The following MEGF6 variants were observed in gnomAD, a reference collection of about 807,000 sequenced individuals.
The protein encoded by MEGF6 is multiple EGF like domains 6.
MEGF6 carries 184 observed loss-of-function variants against 207.1 expected under a neutral mutation model. The observed-to-expected ratio is 0.89, with a 90% CI of 0.79 to 1.00. The LOEUF (loss-of-function observed/expected upper bound fraction) is 1.00. Ranked by LOEUF, MEGF6 falls within the 50% of genes least tolerant of loss-of-function variation. The pLI is 0.00. For synonymous variants in MEGF6, 1,038 were observed against 910.0 expected (o/e 1.14, Z -2.53); for missense variants, 2,282 against 2,202.9 (o/e 1.04, Z -0.72).
chr1:3,543,521 TCGGAGCCCTA>T (rs1327013871), intron 4 of MEGF6, among the ~76,000 whole-genome samples: 2 of 152,124 alleles, frequency 1.3e-5, no homozygotes, highest in African/African-American at 4.8e-5. Flanking sequence ...ACACGGTGAC[TCGGAGCCCTA>T]GCCATCCCAA....
chr1:3,501,453 C>T (rs1569962642), intron 18 of MEGF6, 145 bp from the exon 19 acceptor site: 1 of 1,245,034 alleles, frequency 8.0e-7, no homozygotes, highest in South Asian at 1.5e-5. Context: ...GGGGAGAGGA[C>T]CCGGGCACCT....
At chr1:3,522,493 C>T (rs907931610) in intron 5 of MEGF6, among the ~76,000 whole-genome samples, 2 of 152,078 alleles carry the variant, frequency 1.3e-5, no homozygotes, top group East Asian at 3.9e-4. Flanking sequence ...GCAGATTAAG[C>T]CTTCTGGGGC....
the MEGF6 span, among the ~76,000 whole-genome samples, chr1:3,622,913 T>G: frequency 6.6e-6 from 1 of 152,172 alleles, no homozygotes. Flanking sequence ...CATCTATCCC[T>G]CCTATCATTT....
At position 3,499,810 on chromosome 1, in the gene MEGF6, G is replaced by C. The variant is rs1030378005; in HGVS notation, c.2822C>G (p.Thr941Ser). ...ACTCPAGWRG[T>S]FCEHACPAGF... ...CCGTAGCTCACCATGCTCGCAGAAG[G>C]TGCCCCTCCAGCCGGCCGGGCAGGT... Residue 941 changes from threonine (T) to serine (S), a missense_variant, in exon 22 of 37, where the codon ACC becomes AGC. Thr to Ser is a moderately conservative substitution (Grantham distance 58). Transcript: ENST00000356575. 4 of 1,556,834 alleles carry C rather than the reference G, an allele frequency of 2.6e-6. No homozygotes were observed. In the South Asian group the frequency reaches 3.5e-5, roughly 14 times the overall value.
the MEGF6 span, chr1:3,623,169 CTCTT>C: frequency 6.8e-6 from 1 of 146,700 alleles, no homozygotes; most frequent in African/African-American, 2.5e-5. Flanking sequence ...CTCTCTCCCT[CTCTT>C]TCTCATTCTC....
chr1:3,514,947 G>T (rs1280717782), intron 6 of MEGF6, among the ~76,000 whole-genome samples: 2 of 152,192 alleles, frequency 1.3e-5, no homozygotes, highest in Admixed American at 1.3e-4. Context: ...CCAGGTGCTG[G>T]CGCTGACACC....
chr1:3,509,907 G>T lies in MEGF6; in HGVS notation c.1320C>A (p.Ala440=), dbSNP rs747496814. 1.9e-6 allele frequency: 3 copies of T among 1,562,628 alleles called. No homozygotes were observed. Among genetic ancestry groups the T allele is most frequent in the East Asian group, 4.7e-5 (2 of 42,434 alleles). The change falls in exon 11 of 37, where the codon GCC becomes GCA. Residue 440 remains alanine (A), a synonymous_variant. Coordinates refer to ENST00000356575, the MANE Select transcript of MEGF6 (RefSeq NM_001409.4). ...TACGGTCCTCGTGCAGCCGGTAGCC[G>T]GCCTCGCAGGAGCACTGGAAGGAGC... is the stretch of plus-strand genomic sequence containing the variant. ...LAGSFQCSCE[A]GYRLHEDRRG...
the MEGF6 span, among the ~76,000 whole-genome samples, chr1:3,616,609 A>G: frequency 1.3e-5 from 2 of 152,192 alleles, no homozygotes; most frequent in African/African-American, 4.8e-5. Context: ...GAGTCTCTCC[A>G]GATAGCAAAG....
intron 3 of MEGF6, among the ~76,000 whole-genome samples, chr1:3,585,023 TGTGAGTGACACACGTCCTGTGTGTGGGA>T (rs1219814509): frequency 3.0e-4 from 46 of 152,370 alleles, no homozygotes; most frequent in African/African-American, 1.1e-3. Flanking sequence ...CAGGTGTAGG[TGTGAGTGACACACGTCCTGTGTGTGGGA>T]GTGAGTGACA....
At chr1:3,494,906 G>A (rs983266802) in intron 30 of MEGF6, among the ~76,000 whole-genome samples, 165 bp from the exon 31 acceptor site, 1 of 152,234 alleles carries the variant, frequency 6.6e-6, no homozygotes, top group Non-Finnish European at 1.5e-5. Flanking sequence ...GGCACCAGCC[G>A]CATCCTCTCA....
chr1:3,513,558 G>A (rs1479724973), intron 7 of MEGF6, among the ~76,000 whole-genome samples: 2 of 142,712 alleles, frequency 1.4e-5, no homozygotes, highest in Non-Finnish European at 3.0e-5. Context: ...GATTACAGGT[G>A]TGAGCCACCA....
In MEGF6 at chr1:3,493,997, C is replaced by T. The variant is rs764844486; in HGVS notation, c.4257G>A (p.Arg1419=). Residue 1419 remains arginine, a splice_region_variant and synonymous_variant, in exon 33 of 37, where the codon AGG becomes AGA. Coordinates refer to ENST00000356575, the MANE Select transcript of MEGF6 (RefSeq NM_001409.4). Reference sequence around the variant, plus strand: ...TTCAGGGAGGCACCAAGCACTCACCCCTCTCACAGAAGTGGCCGTGGAAGC... The same window carrying T: ...TTCAGGGAGGCACCAAGCACTCACCTCTCTCACAGAAGTGGCCGTGGAAGC... ...PAGFHGHFCE[R]GCEPGSFGEG... 2.5e-6 allele frequency: 4 copies of T among 1,599,088 alleles called. No homozygotes were observed. Among genetic ancestry groups the T allele is most frequent in the African/African-American group, 1.3e-5 (1 of 74,664 alleles).
intron 17 of MEGF6, 62 bp from the exon 18 acceptor site, chr1:3,501,983 TC>T: frequency 1.5e-5 from 15 of 975,598 alleles, no homozygotes; most frequent in East Asian, 1.1e-4. Flanking sequence ...CCAGAGCCTT[TC>T]CCCCAGGGGC....
chr1:3,538,994 T>A (rs1642419907), intron 4 of MEGF6, among the ~76,000 whole-genome samples: 1 of 152,182 alleles, frequency 6.6e-6, no homozygotes, highest in Non-Finnish European at 1.5e-5. Context: ...TCCGGGAGGC[T>A]TCCTGGAGGA....
At chr1:3,559,853 TA>T in intron 4 of MEGF6, among the ~76,000 whole-genome samples, 1 of 151,496 alleles carries the variant, frequency 6.6e-6, no homozygotes, top group East Asian at 2.0e-4. Context: ...CTACTAAAAA[TA>T]CAAAAAATTA....
chr1:3,556,160 C>T lies in MEGF6; in HGVS notation c.481+23665G>A, dbSNP rs571296937. On this transcript the variant is annotated intron_variant, in intron 4 of 36. Transcript: ENST00000356575. This position sits in a 1 kb window ranked among gnomAD's most constrained non-coding sequence, Gnocchi z 4.4. The stretch of plus-strand genomic sequence containing the variant: ...GCCCAGGTGCTAAGTGAACCACGTC[C>T]CTGTTGCTGGGCCACCCTGTGAGTC... Among the ~76,000 whole-genome samples the T allele has an allele frequency of 6.6e-6, 1 of 152,340 alleles. No individual in the cohort carries two copies. The highest frequency in any genetic ancestry group is 2.1e-4 in the South Asian group (1 of 4,828).
chr1:3,577,726 C>G (rs1263930051), intron 4 of MEGF6, among the ~76,000 whole-genome samples: 1 of 152,202 alleles, frequency 6.6e-6, no homozygotes, highest in Non-Finnish European at 1.5e-5. Context: ...CGCAGGGAAC[C>G]TGAGTGCACC....
At chr1:3,501,988 C>G in intron 17 of MEGF6, 67 bp from the exon 18 acceptor site, 1 of 1,521,728 alleles carries the variant, frequency 6.6e-7, no homozygotes, top group Non-Finnish European at 8.8e-7. Context: ...GCCTTTCCCC[C>G]AGGGGCTCCT....
intron 3 of MEGF6, among the ~76,000 whole-genome samples, chr1:3,584,238 C>T (rs182087496): frequency 2.0e-4 from 30 of 152,374 alleles, no homozygotes; most frequent in African/African-American, 6.3e-4. Flanking sequence ...CACAAGCAAA[C>T]GCCTCTCCCA....
Sources: allele counts gnomAD v4.1 joint callset (sites outside exome capture counted in the v4.1 genomes callset), GRCh38; gene constraint gnomAD v4.1.1; non-coding constraint Gnocchi (gnomAD v3.1); transcripts MANE v1.5; gene names NCBI Gene and HGNC (gene_info 2026-07-23, HGNC 2026-07-21).